The following SP140 variants were observed in gnomAD, a reference collection of about 807,000 sequenced individuals.
The protein encoded by SP140 is nuclear body protein SP140.
SP140 carries 81 observed loss-of-function variants against 125.0 expected under a neutral mutation model. The ratio of observed to expected loss-of-function variants is 0.65; its 90% CI spans 0.54 to 0.78. The LOEUF is 0.78. SP140 is among the 30% of genes least tolerant of loss of function. SP140 has a pLI of 0.00. For synonymous variants in SP140, 312 were observed against 354.0 expected, an observed-to-expected ratio of 0.88 and a Z score of 1.33; for missense variants, 858 against 1,037.0, an observed-to-expected ratio of 0.83 and a Z score of 2.37.
At chr2:230,267,148 A>G (rs2053245171) in intron 12 of SP140, among the ~76,000 whole-genome samples, 2 of 152,234 alleles carry the variant, frequency 1.3e-5, no homozygotes, top group Non-Finnish European at 2.9e-5. Flanking sequence ...AAAGCTGAAC[A>G]TAAATATATT....
intron 1 of SP140, chr2:230,234,938 G>C (rs1050937547): frequency 6.6e-6 from 1 of 152,130 alleles, no homozygotes; most frequent in Non-Finnish European, 1.5e-5. Context: ...AATGTTGTAG[G>C]TTTCCACAAA....
Position 230,287,939 on chromosome 2 carries a change from G to A in SP140, c.1693G>A (p.Ala565Thr). 2 of 1,612,482 alleles carry A rather than the reference G, an allele frequency of 1.2e-6. No homozygotes were observed. The highest frequency in any genetic ancestry group is 1.7e-6 in the Non-Finnish European group (2 of 1,179,662). ...AACCCGCTTCACTCAGAGTGACAGA[G>A]CTGCACAGAAAAGAGTCCGATCAAG... ...PGTRFTQSDR[A>T]AQKRVRSRAS... The change falls in exon 18 of 27, where the codon GCT becomes ACT. Residue 565 changes from alanine (A) to threonine (T), a missense_variant. Ala to Thr is a moderately conservative substitution (Grantham distance 58, BLOSUM62 0). Coordinates refer to ENST00000392045, the MANE Select transcript of SP140 (RefSeq NM_007237.5).
intron 12 of SP140, among the ~76,000 whole-genome samples, chr2:230,257,842 T>C (rs928860816): frequency 6.6e-6 from 1 of 152,006 alleles, no homozygotes; most frequent in Non-Finnish European, 1.5e-5. Context: ...AGTTAAGGGA[T>C]AGTTGTGCTT....
intron 3 of SP140, chr2:230,215,132 G>A (rs371164893): frequency 1.2e-6 from 2 of 1,607,458 alleles, no homozygotes; most frequent in Non-Finnish European, 1.7e-6. Flanking sequence ...TAAAAATGGA[G>A]TGAAGGTTTT....
chr2:230,232,564 G>A lies in SP140; in HGVS notation c.60-4519G>A, dbSNP rs866138721. Among the ~76,000 whole-genome samples, 4 of 152,254 alleles carry A rather than the reference G, an allele frequency of 2.6e-5. No individual in the cohort carries two copies. The Middle Eastern group carries it at 0.01, about 388-fold the overall frequency. On this transcript the variant is annotated intron_variant, in intron 1 of 26. Transcript: ENST00000392045. ...TCTAGTGAACTTTTACATTTTTGAA[G>A]TTTAGACTTTTTTCTTAAGACAAAC...
intron 15 of SP140, among the ~76,000 whole-genome samples, chr2:230,283,887 A>C (rs982308617): frequency 1.3e-5 from 2 of 152,200 alleles, no homozygotes; most frequent in East Asian, 3.8e-4. Flanking sequence ...TAGAAATTCT[A>C]TAATGATTAT....
chr2:230,246,268 A>C (rs568900684), intron 7 of SP140, among the ~76,000 whole-genome samples: 3 of 152,230 alleles, frequency 2.0e-5, no homozygotes, highest in South Asian at 4.1e-4. Context: ...CATATAGGAC[A>C]TAGGGAAAGA....
At chr2:230,281,330 G>T (rs1173602951) in intron 15 of SP140, among the ~76,000 whole-genome samples, 1 of 152,166 alleles carries the variant, frequency 6.6e-6, no homozygotes, top group Non-Finnish European at 1.5e-5. Context: ...ACATTTCAAG[G>T]CTGCAGACGT....
chr2:230,199,145 ATTATT>A (rs1194233619), upstream of SP140, among the ~76,000 whole-genome samples: 2 of 121,678 alleles, frequency 1.6e-5, no homozygotes, highest in African/African-American at 7.7e-5. Flanking sequence ...TATTATTATT[ATTATT>A]TTTTTTTTTT....
rs41309088 is a variant in SP140 at position 230,212,968 on chromosome 2, C to T, written c.-322-686C>T. The T allele has an allele frequency of 0.015, 24,606 of 1,613,966 alleles. 315 individuals carry two copies. Among genetic ancestry groups the T allele is most frequent in the Non-Finnish European group, 0.015 (18,166 of 1,179,950 alleles). ...TGGAGGGAGCTTCCTTCTGCTAGGC[C>T]AGTTGGGGCTTCAAGTAGGATTGGT... On this transcript the variant is annotated intron_variant, in intron 1 of 4. Coordinates refer to the SP140 transcript ENST00000456542.
intron 1 of SP140, chr2:230,212,484 AG>A: frequency 7.2e-7 from 1 of 1,390,918 alleles, no homozygotes; most frequent in Non-Finnish European, 1.0e-6. Flanking sequence ...GTCAGGGAGA[AG>A]AGTGAATGTT....
chr2:230,209,998 A>G (rs1039415543), intron 1 of SP140: 3 of 1,593,554 alleles, frequency 1.9e-6, no homozygotes, highest in Non-Finnish European at 2.6e-6. Context: ...CTGGAGAATT[A>G]TCTCTTATCT....
intron 15 of SP140, among the ~76,000 whole-genome samples, chr2:230,279,623 A>G (rs970158806): frequency 7.2e-5 from 11 of 152,186 alleles, no homozygotes; most frequent in Admixed American, 6.6e-4. Context: ...TGTAATTTGC[A>G]TAAAACAAAT....
upstream of SP140, among the ~76,000 whole-genome samples, chr2:230,201,925 A>G (rs2043222227): frequency 6.6e-6 from 1 of 152,220 alleles, no homozygotes; most frequent in African/African-American, 2.4e-5. Flanking sequence ...ATCTCAAAAG[A>G]CTGTTAAATT....
intron 22 of SP140, among the ~76,000 whole-genome samples, chr2:230,303,141 C>T (rs1377471333): frequency 1.3e-5 from 2 of 151,694 alleles, no homozygotes; most frequent in Non-Finnish European, 2.9e-5. Flanking sequence ...AAAAGATAAA[C>T]AAAATTGATA....
At position 230,284,419 on chromosome 2, in the gene SP140, G is replaced by A. The variant is rs1337731508; in HGVS notation, c.1564+8G>A. On this transcript the variant is annotated splice_region_variant and intron_variant, in intron 16 of 26. Transcript: ENST00000392045. ...AAAACAGCCAACAAAATGGTAAGCA[G>A]GCAAAGTGAAGTAGTTACAGCTTTT... 3 of 1,606,188 alleles carry A rather than the reference G, an allele frequency of 1.9e-6. No individual in the cohort carries two copies. The highest frequency in any genetic ancestry group is 2.6e-6 in the Non-Finnish European group (3 of 1,175,804).
At chr2:230,304,161 CA>C (rs913216630) in intron 22 of SP140, among the ~76,000 whole-genome samples, 2 of 151,930 alleles carry the variant, frequency 1.3e-5, no homozygotes, top group African/African-American at 2.4e-5. Context: ...ACACTAGCTG[CA>C]AAAAAATAAA....
chr2:230,212,335 A>G, intron 1 of SP140: 1 of 1,594,322 alleles, frequency 6.3e-7, no homozygotes, highest in Non-Finnish European at 8.6e-7. Flanking sequence ...TATCAGCCCC[A>G]GTCAGTGTTA....
chr2:230,237,114 C>A lies in SP140; in HGVS notation c.91C>A (p.Gln31Lys), dbSNP rs768541570. 1 of 1,607,334 alleles carries A rather than the reference C, an allele frequency of 6.2e-7. No individual in the cohort carries two copies. The highest frequency in any genetic ancestry group is 8.5e-7 in the Non-Finnish European group (1 of 1,177,890). ...CGCAGAGATCCAGAACGTAGAGGGTCAGAACCTGCAGGAGCAGGTTTGCCC... is the reference window on the plus strand; with the variant it reads ...CGCAGAGATCCAGAACGTAGAGGGTAAGAACCTGCAGGAGCAGGTTTGCCC... ...MVAEIQNVEGQNLQEQVCPEP... is the reference protein window; with the variant it reads ...MVAEIQNVEGKNLQEQVCPEP... Residue 31 changes from glutamine to lysine, a missense_variant, in exon 2 of 27, where the codon CAG becomes AAG. Gln to Lys is a moderately conservative substitution (Grantham distance 53). Coordinates refer to ENST00000392045, the MANE Select transcript of SP140 (RefSeq NM_007237.5). The surrounding 1 kb of genome is among the most constrained non-coding windows in gnomAD (Gnocchi z 5.4).
Sources: allele counts gnomAD v4.1 joint callset (sites outside exome capture counted in the v4.1 genomes callset), GRCh38; gene constraint gnomAD v4.1.1; non-coding constraint Gnocchi (gnomAD v3.1); transcripts MANE v1.5; gene names NCBI Gene and HGNC (gene_info 2026-07-23, HGNC 2026-07-21).